The following DENND1A variants were observed in gnomAD, a reference collection of about 807,000 sequenced individuals.
DENND1A encodes the protein DENN domain containing 1A.
Under a neutral mutation model 113.7 loss-of-function variants are expected in DENND1A, and 51 were observed. That is an observed-to-expected ratio of 0.45 (90% CI 0.36 to 0.57). The LOEUF is 0.57. Among genes scored for constraint, DENND1A ranks in the 20% least tolerant of loss-of-function variants. The probability of loss-of-function intolerance (pLI) is 0.00; values close to 1 mark genes in which losing one functional copy is unlikely to be tolerated. For missense variants in DENND1A, 1,258 were observed against 1,395.9 expected (o/e 0.90, Z 1.57); for synonymous variants, 565 against 570.8 (o/e 0.99, Z 0.14).
chr9:123,567,600 C>A (rs1589164529), intron 12 of DENND1A, among the ~76,000 whole-genome samples: 1 of 152,186 alleles, frequency 6.6e-6, no homozygotes, highest in African/African-American at 2.4e-5. Context: ...TATCAAGAGA[C>A]TAACGACTTT....
intron 2 of DENND1A, among the ~76,000 whole-genome samples, chr9:123,866,041 T>C (rs1183075408): frequency 6.6e-6 from 1 of 152,238 alleles, no homozygotes; most frequent in Admixed American, 6.5e-5. Context: ...ATAAAATCTT[T>C]CCCAAATACT....
chr9:123,720,315 G>A (rs2067248919), intron 5 of DENND1A, among the ~76,000 whole-genome samples: 1 of 152,136 alleles, frequency 6.6e-6, no homozygotes, highest in Non-Finnish European at 1.5e-5. Flanking sequence ...CCTCAGCCAG[G>A]GCTCCGAGGG....
intron 8 of DENND1A, among the ~76,000 whole-genome samples, chr9:123,662,950 T>C (rs1416459992): frequency 1.3e-5 from 2 of 152,106 alleles, no homozygotes; most frequent in Non-Finnish European, 2.9e-5. Flanking sequence ...ATAAGTGATA[T>C]CTGTAACAGA....
chr9:123,522,385 G>GTGTGGGCATGCAC, intron 13 of DENND1A, among the ~76,000 whole-genome samples: 1 of 152,346 alleles, frequency 6.6e-6, no homozygotes, highest in Non-Finnish European at 1.5e-5. Context: ...GAGAGTGGTC[G>GTGTGGGCATGCAC]TGTGGGCAGG....
chr9:123,479,372 G>A (rs2050159369), intron 13 of DENND1A, among the ~76,000 whole-genome samples: 1 of 152,198 alleles, frequency 6.6e-6, no homozygotes, highest in African/African-American at 2.4e-5. Context: ...TTTCAGCCCT[G>A]CTTCTCATCA....
At position 123,920,053 on chromosome 9, in the gene DENND1A, T is replaced by A. The variant is rs181134399; in HGVS notation, c.17+9836A>T. Among the ~76,000 whole-genome samples, 9 of 152,334 alleles carry A rather than the reference T, an allele frequency of 5.9e-5. No homozygotes were observed. The East Asian group carries it at 1.5e-3, about 26-fold the overall frequency. Reference sequence around the variant, plus strand: ...TTGATGGGAATTTGGGGGCTCATTATACTATTCTACTTTTATAGATGTTTA... The same window carrying A: ...TTGATGGGAATTTGGGGGCTCATTAAACTATTCTACTTTTATAGATGTTTA... On this transcript the variant is annotated intron_variant, in intron 1 of 23. Coordinates refer to ENST00000394215, the MANE Select transcript of DENND1A (RefSeq NM_001352964.2).
chr9:123,733,594 C>A (rs571107515), intron 5 of DENND1A, among the ~76,000 whole-genome samples: 2 of 152,052 alleles, frequency 1.3e-5, no homozygotes, highest in Non-Finnish European at 2.9e-5. Context: ...GCCTTGCTTT[C>A]ACTTTCTTAA....
At chr9:123,614,501 G>C (rs1418015508) in intron 10 of DENND1A, among the ~76,000 whole-genome samples, 2 of 151,794 alleles carry the variant, frequency 1.3e-5, no homozygotes, top group African/African-American at 4.8e-5. Flanking sequence ...CTTTCCCCCA[G>C]ATAACCAGGG....
chr9:123,436,724 A>G (rs2046546990), intron 19 of DENND1A, among the ~76,000 whole-genome samples: 1 of 151,914 alleles, frequency 6.6e-6, no homozygotes. Flanking sequence ...ACAAATTATT[A>G]GCGAGTTCAG....
chr9:123,538,051 C>T (rs571399284), intron 13 of DENND1A, among the ~76,000 whole-genome samples: 12 of 152,168 alleles, frequency 7.9e-5, no homozygotes, highest in African/African-American at 2.2e-4. Context: ...GTAAATACAG[C>T]GGAACTAGTC....
chr9:123,395,468 C>CTGTGTG (rs60527655), intron 21 of DENND1A, among the ~76,000 whole-genome samples: 12 of 142,890 alleles, frequency 8.4e-5, no homozygotes, highest in African/African-American at 3.3e-4. Context: ...CTCTCTCTCT[C>CTGTGTG]TGTGTGTGTG....
At chr9:123,609,356 T>C in intron 11 of DENND1A, 80 bp downstream of exon 11, 7 of 1,497,304 alleles carry the variant, frequency 4.7e-6, no homozygotes, top group Non-Finnish European at 6.5e-6. Context: ...CTGTGACTGC[T>C]GAGACTGGGT....
chr9:123,426,150 A>C (rs116141733), intron 19 of DENND1A, among the ~76,000 whole-genome samples: 1,541 of 152,212 alleles, frequency 0.01, 20 homozygotes, highest in Middle Eastern at 0.048. Context: ...TCTGGCAGGG[A>C]GGGTCCTGGA....
rs1326688624 is a variant in DENND1A at position 123,916,497 on chromosome 9, C to T, written c.17+13392G>A. 1.5e-4 allele frequency among the ~76,000 whole-genome samples: 23 copies of T among 151,898 alleles called. No homozygotes were observed. In the East Asian group the frequency reaches 3.3e-3, roughly 22 times the overall value. On this transcript the variant is annotated intron_variant, in intron 1 of 23. Transcript: ENST00000394215. Reference sequence around the variant, plus strand: ...AAGCAGTTCTCCTGCCTCAGCCTCCCGAGTAGCTGGGATTACAGGCATGTG... The same window carrying T: ...AAGCAGTTCTCCTGCCTCAGCCTCCTGAGTAGCTGGGATTACAGGCATGTG...
intron 13 of DENND1A, among the ~76,000 whole-genome samples, chr9:123,533,008 A>T (rs541167149): frequency 6.6e-6 from 1 of 152,368 alleles, no homozygotes; most frequent in East Asian, 1.9e-4. Flanking sequence ...TCATGCACAC[A>T]AGTACACATA....
intron 1 of DENND1A, among the ~76,000 whole-genome samples, chr9:123,906,055 A>G (rs934098359): frequency 2.0e-5 from 3 of 152,040 alleles, no homozygotes; most frequent in Non-Finnish European, 4.4e-5. Context: ...TAAGAATCTC[A>G]CTCAAAACCG....
At chr9:123,538,465 A>T (rs2055966600) in intron 13 of DENND1A, among the ~76,000 whole-genome samples, 1 of 151,984 alleles carries the variant, frequency 6.6e-6, no homozygotes, top group Admixed American at 6.6e-5. Context: ...TCCTGAAGAA[A>T]TGTCTGATTC....
chr9:123,890,580 A>T (rs1286048873), intron 1 of DENND1A, among the ~76,000 whole-genome samples: 1 of 152,212 alleles, frequency 6.6e-6, no homozygotes, highest in African/African-American at 2.4e-5. Context: ...AATATGTACT[A>T]AACACTTAAA....
At chr9:123,746,469 T>C (rs1046312079) in intron 5 of DENND1A, among the ~76,000 whole-genome samples, 2 of 152,200 alleles carry the variant, frequency 1.3e-5, no homozygotes, top group Non-Finnish European at 2.9e-5. Context: ...ATCCAAAACA[T>C]ATGGGACCAG....
Sources: allele counts gnomAD v4.1 joint callset (sites outside exome capture counted in the v4.1 genomes callset), GRCh38; gene constraint gnomAD v4.1.1; transcripts MANE v1.5; gene names NCBI Gene and HGNC (gene_info 2026-07-23, HGNC 2026-07-21).